ERC1: variants seen among roughly 807,000 people sequenced by gnomAD.
The protein encoded by ERC1 is RAB6 interacting protein 2.
A neutral mutation model predicts 132.0 loss-of-function variants in ERC1; 56 were observed. The observed-to-expected ratio is 0.42, with a 90% CI of 0.34 to 0.53. The LOEUF (loss-of-function observed/expected upper bound fraction) is 0.53. ERC1 is among the 20% of genes least tolerant of loss of function. The pLI, the probability that ERC1 is intolerant of heterozygous loss-of-function variation, is 0.03. For missense variants in ERC1, 1,202 were observed against 1,349.9 expected (o/e 0.89, Z 1.72); for synonymous variants, 478 against 476.1 (o/e 1.00, Z -0.05).
At chr12:1,050,305 G>GACA (rs1330766433) in intron 2 of ERC1, among the ~76,000 whole-genome samples, 2 of 152,208 alleles carry the variant, frequency 1.3e-5, no homozygotes, top group African/African-American at 4.8e-5. Flanking sequence ...GGAGGTGTGA[G>GACA]ACAGGGAAGT....
At chr12:1,484,726 C>T (rs1175955713) in intron 18 of ERC1, among the ~76,000 whole-genome samples, 2 of 151,698 alleles carry the variant, frequency 1.3e-5, no homozygotes, top group Admixed American at 1.3e-4. Context: ...TACAGGTGCA[C>T]GCCACCATGC....
At chr12:1,243,178 A>C (rs2075929350) in intron 13 of ERC1, among the ~76,000 whole-genome samples, 1 of 148,298 alleles carries the variant, frequency 6.7e-6, no homozygotes. Flanking sequence ...TGGGCGACAG[A>C]GCGAGACTCC....
chr12:1,250,643 C>CT (rs1399772480), intron 13 of ERC1, among the ~76,000 whole-genome samples: 1 of 152,044 alleles, frequency 6.6e-6, no homozygotes, highest in Admixed American at 6.5e-5. Context: ...GTAGGCTATC[C>CT]TTTAAGAGCC....
At chr12:1,379,290 C>T (rs2088326958) in intron 16 of ERC1, among the ~76,000 whole-genome samples, 1 of 152,200 alleles carries the variant, frequency 6.6e-6, no homozygotes, top group Admixed American at 6.5e-5. Flanking sequence ...CCACTTTCTA[C>T]ACAACTGTAG....
intron 1 of ERC1, among the ~76,000 whole-genome samples, chr12:998,712 T>C (rs1328834091): frequency 6.6e-6 from 1 of 152,180 alleles, no homozygotes; most frequent in Non-Finnish European, 1.5e-5. Flanking sequence ...AGATCACTCA[T>C]AGCCATTTCA....
intron 1 of ERC1, among the ~76,000 whole-genome samples, chr12:996,007 TAAC>T (rs1338176657): frequency 2.0e-5 from 3 of 152,148 alleles, no homozygotes; most frequent in Non-Finnish European, 4.4e-5. Flanking sequence ...TGATGTCTAA[TAAC>T]AGGGAAATGA....
intron 12 of ERC1, among the ~76,000 whole-genome samples, chr12:1,227,643 C>G (rs1249511533): frequency 1.3e-5 from 2 of 152,110 alleles, no homozygotes; most frequent in Non-Finnish European, 2.9e-5. Flanking sequence ...TGTGCAGAAG[C>G]CTTTTAGTTT....
At chr12:1,264,978 A>G (rs140046862) in intron 14 of ERC1, among the ~76,000 whole-genome samples, 54 of 152,294 alleles carry the variant, frequency 3.5e-4, no homozygotes, top group African/African-American at 1.3e-3. Context: ...AGAAAAAAAG[A>G]CCAACCTCAT....
chr12:1,081,090 T>G (rs1942128501), intron 2 of ERC1, among the ~76,000 whole-genome samples: 1 of 152,236 alleles, frequency 6.6e-6, no homozygotes, highest in Non-Finnish European at 1.5e-5. Flanking sequence ...CATCACAGTT[T>G]CGTGTTCTTC....
intron 16 of ERC1, among the ~76,000 whole-genome samples, chr12:1,398,475 A>C (rs951052653): frequency 2.6e-4 from 39 of 152,372 alleles, no homozygotes; most frequent in South Asian, 2.1e-4. Context: ...CCCAGTCTTC[A>C]AGACTGAGAT....
At chr12:1,062,960 C>A (rs141171181) in intron 2 of ERC1, among the ~76,000 whole-genome samples, 4,141 of 152,186 alleles carry the variant, frequency 0.027, 83 homozygotes, top group South Asian at 0.093. Context: ...TATAATGTCC[C>A]TTTTTATGTT....
chr12:1,045,409 A>G (rs908940605), intron 2 of ERC1, among the ~76,000 whole-genome samples: 4 of 152,128 alleles, frequency 2.6e-5, no homozygotes, highest in Admixed American at 1.3e-4. Context: ...CTGAGTACCT[A>G]TGATAGAGAA....
intron 15 of ERC1, among the ~76,000 whole-genome samples, chr12:1,329,064 C>A (rs1022273360): frequency 1.4e-5 from 2 of 145,292 alleles, no homozygotes; most frequent in Admixed American, 6.9e-5. Context: ...GAGGCTGAGG[C>A]GGGCAGATCA....
chr12:1,384,791 AGTTTAT>A (rs1431138130), intron 16 of ERC1, among the ~76,000 whole-genome samples: 1 of 152,210 alleles, frequency 6.6e-6, no homozygotes. Context: ...AGATGCTTAA[AGTTTAT>A]GGTATTGCCA....
intron 15 of ERC1, among the ~76,000 whole-genome samples, chr12:1,335,393 G>T (rs2083226403): frequency 6.6e-6 from 1 of 152,048 alleles, no homozygotes; most frequent in South Asian, 2.1e-4. Context: ...ATTATTTTGA[G>T]GTATGTTCCT....
intron 18 of ERC1, among the ~76,000 whole-genome samples, chr12:1,482,254 A>G (rs2094107542): frequency 6.6e-6 from 1 of 152,022 alleles, no homozygotes. Context: ...CTCACCTCAT[A>G]CTGTGTTTCC....
intron 7 of ERC1, among the ~76,000 whole-genome samples, chr12:1,129,747 T>A (rs914275361): frequency 6.6e-6 from 1 of 151,776 alleles, no homozygotes; most frequent in Non-Finnish European, 1.5e-5. Context: ...ACTTTCAGAT[T>A]AATACAAATG....
intron 16 of ERC1, 55 bp from the exon 17 acceptor site, chr12:1,408,094 C>T (rs1278206177): frequency 8.4e-7 from 1 of 1,196,000 alleles, no homozygotes; most frequent in African/African-American, 1.5e-5. Context: ...CGTTACTTTA[C>T]AGTGTGTCAT....
chr12:1,322,547 T>A (rs1338416896), intron 15 of ERC1, among the ~76,000 whole-genome samples: 2 of 152,164 alleles, frequency 1.3e-5, no homozygotes, highest in Non-Finnish European at 2.9e-5. Flanking sequence ...TTACAGAAAT[T>A]GCTAAGAAGT....
Sources: allele counts gnomAD v4.1 joint callset (sites outside exome capture counted in the v4.1 genomes callset), GRCh38; gene constraint gnomAD v4.1.1; transcripts MANE v1.5; gene names NCBI Gene and HGNC (gene_info 2026-07-23, HGNC 2026-07-21).